Variants in PCCA observed in about 807,000 individuals in gnomAD.
The protein encoded by PCCA is propionyl-CoA carboxylase subunit alpha, also known as propionyl-CoA carboxylase alpha chain, mitochondrial.
Under a neutral mutation model 101.3 loss-of-function variants are expected in PCCA, and 74 were observed. That is an observed-to-expected ratio of 0.73 (90% CI 0.61 to 0.89). PCCA has a LOEUF of 0.89. Among genes scored for constraint, PCCA ranks in the 40% least tolerant of loss-of-function variants. PCCA has a pLI of 0.00. For synonymous variants in PCCA, 294 were observed against 313.6 expected (o/e 0.94, Z 0.66); for missense variants, 891 against 907.0 (o/e 0.98, Z 0.23).
In PCCA at chr13:100,466,549, C is replaced by T. The variant is rs141648750; in HGVS notation, c.1899+17244C>T. On this transcript the variant is annotated intron_variant, in intron 21 of 23. Transcript: ENST00000376285. ...AGCATCAGGGAACATAGCAACACTG[C>T]AAAGTCAAAGTACCCTCGTTTGAAA... Among the ~76,000 whole-genome samples the T allele has an allele frequency of 3.9e-5, 6 of 152,290 alleles. No homozygotes were observed. The East Asian group carries it at 1.2e-3, about 29-fold the overall frequency.
intron 6 of PCCA, among the ~76,000 whole-genome samples, chr13:100,181,558 G>A (rs1357577317): frequency 1.3e-5 from 2 of 151,932 alleles, no homozygotes; most frequent in Non-Finnish European, 2.9e-5. Context: ...GAGTAACTGG[G>A]ACTACAGGCG....
chr13:100,315,878 A>G (rs540028638), intron 16 of PCCA, among the ~76,000 whole-genome samples: 13 of 152,350 alleles, frequency 8.5e-5, no homozygotes, highest in African/African-American at 2.6e-4. Context: ...TAACTCTCAA[A>G]GAATACCTCT....
intron 7 of PCCA, among the ~76,000 whole-genome samples, chr13:100,223,522 G>C (rs564207730): frequency 5.3e-4 from 80 of 152,230 alleles, no homozygotes; most frequent in African/African-American, 1.9e-3. Flanking sequence ...AGACCTTCGC[G>C]GTGAGCGTTA....
chr13:100,092,422 G>T (rs2046365097), intron 1 of PCCA, among the ~76,000 whole-genome samples: 1 of 137,882 alleles, frequency 7.3e-6, no homozygotes. Flanking sequence ...TGGCTCTGTT[G>T]GCCAGGCTGG....
At chr13:100,503,961 C>T (rs2085878528) in intron 21 of PCCA, among the ~76,000 whole-genome samples, 1 of 152,060 alleles carries the variant, frequency 6.6e-6, no homozygotes, top group Non-Finnish European at 1.5e-5. Context: ...TTGTAGTATA[C>T]ATATATGTTT....
At chr13:100,253,206 C>G (rs998075275) in intron 8 of PCCA, among the ~76,000 whole-genome samples, 3 of 152,108 alleles carry the variant, frequency 2.0e-5, no homozygotes, top group Admixed American at 2.0e-4. Context: ...ATACTGCAGC[C>G]TTGACCTCCT....
At chr13:100,459,519 G>A (rs2082034280) in intron 21 of PCCA, among the ~76,000 whole-genome samples, 1 of 152,202 alleles carries the variant, frequency 6.6e-6, no homozygotes, top group South Asian at 2.1e-4. Flanking sequence ...CAGGAACACT[G>A]ATGATGGCTA....
At position 100,428,519 on chromosome 13, in the gene PCCA, T is replaced by C. The variant is rs1298366493; in HGVS notation, c.1845+2788T>C. The stretch of plus-strand genomic sequence containing the variant: ...GCAAAAACTTGGTCCGTGGCAGTCA[T>C]GTGTGCTTTCCCCCACTATGCTATA... On this transcript the variant is annotated intron_variant, in intron 20 of 23. Transcript: ENST00000376285. Among the ~76,000 whole-genome samples the C allele has an allele frequency of 4.6e-5, 7 of 152,008 alleles. No homozygotes were observed. The South Asian group carries it at 6.2e-4, about 14-fold the overall frequency.
intron 18 of PCCA, among the ~76,000 whole-genome samples, chr13:100,353,824 G>A (rs149694407): frequency 4.6e-5 from 7 of 151,922 alleles, no homozygotes; most frequent in South Asian, 2.1e-4. Context: ...ATGGTGGCAC[G>A]TGCCTATAGT....
intron 8 of PCCA, among the ~76,000 whole-genome samples, chr13:100,253,696 C>T (rs1256195445): frequency 1.3e-5 from 2 of 152,008 alleles, no homozygotes; most frequent in East Asian, 3.9e-4. Context: ...TTTTATTGTG[C>T]AGAAGAGAAT....
At chr13:100,398,570 A>G (rs1044133338) in intron 19 of PCCA, among the ~76,000 whole-genome samples, 3 of 152,174 alleles carry the variant, frequency 2.0e-5, no homozygotes, top group East Asian at 3.8e-4. Context: ...TGGAAAAGGG[A>G]AAAAAATCAT....
chr13:100,377,556 G>A (rs996900748), intron 19 of PCCA, among the ~76,000 whole-genome samples: 5 of 152,054 alleles, frequency 3.3e-5, no homozygotes, highest in Middle Eastern at 3.4e-3. Context: ...GTGCAGTGGC[G>A]TGATCTAAGC....
intron 6 of PCCA, among the ~76,000 whole-genome samples, chr13:100,179,455 A>C (rs1272791608): frequency 6.6e-6 from 1 of 152,092 alleles, no homozygotes; most frequent in Non-Finnish European, 1.5e-5. Flanking sequence ...TGCTGTCGTG[A>C]TCTTTTAGGG....
At chr13:100,405,487 A>G (rs1476783863) in intron 19 of PCCA, among the ~76,000 whole-genome samples, 2 of 152,180 alleles carry the variant, frequency 1.3e-5, no homozygotes, top group Non-Finnish European at 2.9e-5. Context: ...TTTTTGTTAA[A>G]CAAAAAAAAA....
At chr13:100,406,908 T>C (rs1240854584) in intron 19 of PCCA, among the ~76,000 whole-genome samples, 1 of 152,250 alleles carries the variant, frequency 6.6e-6, no homozygotes, top group Admixed American at 6.5e-5. Flanking sequence ...TTTATTTTAA[T>C]GTTACAATCT....
At chr13:100,386,466 C>T (rs891690860) in intron 19 of PCCA, among the ~76,000 whole-genome samples, 5 of 152,150 alleles carry the variant, frequency 3.3e-5, no homozygotes, top group Admixed American at 6.5e-5. Flanking sequence ...ACTGCAAGCT[C>T]TGCCTCCCAG....
At chr13:100,094,790 G>A (rs1438255614) in intron 1 of PCCA, among the ~76,000 whole-genome samples, 2 of 152,178 alleles carry the variant, frequency 1.3e-5, no homozygotes, top group South Asian at 4.1e-4. Context: ...GTTTCACCAT[G>A]TCGGCCTGGC....
At chr13:100,236,242 A>T (rs2060793009) in intron 8 of PCCA, among the ~76,000 whole-genome samples, 1 of 152,208 alleles carries the variant, frequency 6.6e-6, no homozygotes. Context: ...TGAAGATACC[A>T]TATGTGACAT....
Position 100,252,774 on chromosome 13 carries a change from T to G in PCCA, c.638-4821T>G, listed in dbSNP as rs576444037. Among the ~76,000 whole-genome samples the G allele has an allele frequency of 2.0e-5, 3 of 152,352 alleles. No homozygotes were observed. In the South Asian group the frequency reaches 6.2e-4, roughly 32 times the overall value. On this transcript the variant is annotated intron_variant, in intron 8 of 23. Transcript: ENST00000376285. Reference sequence around the variant, plus strand: ...TTATCTTCCACATCCAAACTGTCGCTAACTCTAGTCTTTGTCTTTCTCTCT... The same window carrying G: ...TTATCTTCCACATCCAAACTGTCGCGAACTCTAGTCTTTGTCTTTCTCTCT...
Sources: gnomAD v4.1 joint callset for allele counts (sites outside exome capture counted in the v4.1 genomes callset) on GRCh38, gnomAD v4.1.1 for gene constraint, MANE v1.5 for transcripts, NCBI Gene and HGNC (gene_info 2026-07-23, HGNC 2026-07-21) for gene names.